IFT122: variants seen among roughly 807,000 people sequenced by gnomAD.
IFT122 encodes the protein intraflagellar transport protein 122 homolog.
IFT122 carries 118 observed loss-of-function variants against 161.6 expected under a neutral mutation model. The observed-to-expected ratio is 0.73, with a 90% CI of 0.63 to 0.85. IFT122 has a LOEUF of 0.85. Among genes scored for constraint, IFT122 ranks in the 40% least tolerant of loss-of-function variants. IFT122 has a pLI of 0.00. For synonymous variants in IFT122, 550 were observed against 602.4 expected, an observed-to-expected ratio of 0.91 and a Z score of 1.27; for missense variants, 1,381 against 1,579.6, an observed-to-expected ratio of 0.87 and a Z score of 2.13.
Position 129,479,783 on chromosome 3 carries a change from AGGAGAAAC to A in IFT122, c.1352_1359del (p.Glu451AlafsTer74). ...CCATGCAGAGCTGGGTTTGCTTCCT[AGGAGAAAC>A]GGCTGCAGTGCCTGTCCTTCAGCGG... On this transcript the variant is annotated splice_acceptor_variant and coding_sequence_variant, in exon 13 of 30. Transcript: ENST00000348417. LOFTEE classifies it high-confidence loss of function. 1 of 1,613,928 alleles carries A rather than the reference AGGAGAAAC, an allele frequency of 6.2e-7. No homozygotes were observed. The highest frequency in any genetic ancestry group is 1.7e-5 in the Admixed American group (1 of 60,026).
chr3:129,504,398 A>G lies in IFT122; in HGVS notation c.2627A>G (p.Asp876Gly). The change falls in exon 21 of 30, where the codon GAT becomes GGT. Residue 876 changes from aspartate (D) to glycine (G), a missense_variant. Physicochemically the swap from Asp to Gly is moderately conservative, Grantham distance 94 (BLOSUM62 -1). Transcript: ENST00000348417. ...MPYAQWLAEN[D>G]RFEEAQKAFH... ...TATGCTCAGTGGCTAGCAGAGAACG[A>G]TCGCTTTGAGGAAGCCCAGAAAGGT... 4 of 1,614,058 alleles carry G rather than the reference A, an allele frequency of 2.5e-6. No individual in the cohort carries two copies. Among genetic ancestry groups the G allele is most frequent in the Non-Finnish European group, 3.4e-6 (4 of 1,179,902 alleles).
At chr3:129,464,869 C>A in intron 7 of IFT122, 88 bp downstream of exon 7, 1 of 1,409,558 alleles carries the variant, frequency 7.1e-7, no homozygotes, top group Non-Finnish European at 1.0e-6. Flanking sequence ...CATTCAAAGG[C>A]TTCTCACCTC....
chr3:129,444,483 A>G (rs1039645358), intron 1 of IFT122, among the ~76,000 whole-genome samples: 3 of 151,956 alleles, frequency 2.0e-5, no homozygotes, highest in Non-Finnish European at 4.4e-5. Context: ...TGTCTACTAC[A>G]TTATGTTTTC....
chr3:129,494,911 A>G (rs1301595742), intron 17 of IFT122, among the ~76,000 whole-genome samples: 1 of 152,184 alleles, frequency 6.6e-6, no homozygotes, highest in Non-Finnish European at 1.5e-5. Flanking sequence ...CCATGTGTGT[A>G]TAAAGTATAT....
chr3:129,470,511 C>T (rs111897163), intron 9 of IFT122, among the ~76,000 whole-genome samples: 19,514 of 151,708 alleles, frequency 0.13, 1,578 homozygotes, highest in South Asian at 0.24. Flanking sequence ...GTGATCCGCC[C>T]GCCTCAGCCT....
At chr3:129,451,867 G>C in intron 2 of IFT122, 47 bp from the exon 3 acceptor site, 2 of 1,473,174 alleles carry the variant, frequency 1.4e-6, no homozygotes, top group Non-Finnish European at 1.9e-6. Flanking sequence ...CAGGAATTCT[G>C]ACTAATAGAT....
chr3:129,480,681 A>G (rs1295130071), intron 13 of IFT122, among the ~76,000 whole-genome samples: 4 of 152,118 alleles, frequency 2.6e-5, no homozygotes, highest in Admixed American at 6.5e-5. Flanking sequence ...CTCACTTCCA[A>G]TGGGAGCATG....
At chr3:129,499,698 C>T (rs540150745) in intron 18 of IFT122, among the ~76,000 whole-genome samples, 34 of 152,308 alleles carry the variant, frequency 2.2e-4, no homozygotes, top group Admixed American at 9.1e-4. Context: ...CAGGATCCCC[C>T]AGGAACACCT....
chr3:129,441,810 G>A (rs2073177635), intron 1 of IFT122, among the ~76,000 whole-genome samples: 1 of 152,124 alleles, frequency 6.6e-6, no homozygotes, highest in Admixed American at 6.5e-5. Context: ...ATAGAGATTT[G>A]AGTTTTAAAA....
rs1476908805 is a variant in IFT122, at chr3:129,499,330, AGAGGGCATG to A, written c.2209-564_2209-556del. On this transcript the variant is annotated intron_variant, in intron 18 of 29. Coordinates refer to ENST00000348417, the MANE Select transcript of IFT122 (RefSeq NM_052989.3). ...CACAGAATGTTTGCTGGTGACTCAG[AGAGGGCATG>A]GAGGGCACGGAGGGCCGGCAAACAC... Among the ~76,000 whole-genome samples the A allele has an allele frequency of 2.3e-4, 35 of 152,368 alleles. 1 individual carries two copies. Among genetic ancestry groups the A allele is most frequent in the African/African-American group, 8.2e-4 (34 of 41,590 alleles).
At chr3:129,491,986 A>G (rs1019862193) in intron 16 of IFT122, among the ~76,000 whole-genome samples, 155 bp from the exon 17 acceptor site, 4 of 152,132 alleles carry the variant, frequency 2.6e-5, no homozygotes, top group African/African-American at 9.7e-5. Context: ...TGGGTGGTAT[A>G]ACCTCCTGCA....
Position 129,504,432 on chromosome 3 carries a change from C to T in IFT122, c.2650+11C>T, listed in dbSNP as rs1464753124. 2 of 1,601,884 alleles carry T rather than the reference C, an allele frequency of 1.2e-6. No individual in the cohort carries two copies. The highest frequency in any genetic ancestry group is 4.5e-5 in the East Asian group (2 of 44,840). The stretch of plus-strand genomic sequence containing the variant: ...AGGAAGCCCAGAAAGGTAGGCAACA[C>T]AGACTGTCACCTTCTAGAAGGAGCA... On this transcript the variant is annotated intron_variant, in intron 21 of 29. Transcript: ENST00000348417.
In IFT122 at chr3:129,476,940, G is replaced by GTTTT. The variant is rs201252917; in HGVS notation, c.1147+140_1147+143dup. 1.8e-4 allele frequency: 130 copies of GTTTT among 714,942 alleles called. 1 individual carries two copies. The highest frequency in any genetic ancestry group is 2.6e-4 in the South Asian group (13 of 50,098). The allele number at this position is 714,942 out of a possible 1,614,324, so 44.3% of individuals were successfully genotyped here. ...CTGTTAGCCACTGGGTCTGTGTCTT[G>GTTTT]TTTTCTTTTTTTTTTTTTTTTGGTG... On this transcript the variant is annotated intron_variant, in intron 11 of 29. Transcript: ENST00000348417.
At chr3:129,515,208 C>T (rs868546063) in intron 25 of IFT122, 36 of 561,528 alleles carry the variant, frequency 6.4e-5, no homozygotes, top group South Asian at 4.8e-4. Context: ...ATGGTGGCAG[C>T]GGCCACTGTC....
intron 3 of IFT122, among the ~76,000 whole-genome samples, chr3:129,453,369 A>C (rs192700828): frequency 3.3e-5 from 5 of 152,266 alleles, no homozygotes; most frequent in Admixed American, 6.5e-5. Context: ...TTGAAGAGAA[A>C]GGGAAAAAGT....
chr3:129,501,401 A>G (rs995346876), intron 19 of IFT122, among the ~76,000 whole-genome samples: 1 of 152,192 alleles, frequency 6.6e-6, no homozygotes, highest in Non-Finnish European at 1.5e-5. Context: ...GGGTGCTGCC[A>G]TATATTAATA....
intron 15 of IFT122, chr3:129,484,023 G>C (rs756427556): frequency 3.2e-4 from 128 of 399,622 alleles, no homozygotes; most frequent in Non-Finnish European, 5.5e-4. Context: ...GAGTCCGGCA[G>C]GGTGTGTGTG....
intron 19 of IFT122, among the ~76,000 whole-genome samples, 172 bp downstream of exon 19, chr3:129,500,240 G>A (rs1428860299): frequency 2.0e-5 from 3 of 152,236 alleles, no homozygotes; most frequent in African/African-American, 7.2e-5. Flanking sequence ...CCTTCCAGGA[G>A]CTTGTGGAGT....
intron 4 of IFT122, chr3:129,460,806 T>A (rs936371764): frequency 2.0e-6 from 3 of 1,506,370 alleles, no homozygotes; most frequent in East Asian, 2.3e-5. Context: ...GCATGGTACA[T>A]GATTTGCTCA....
Sources: gnomAD v4.1 joint callset for allele counts (sites outside exome capture counted in the v4.1 genomes callset) on GRCh38, gnomAD v4.1.1 for gene constraint, MANE v1.5 for transcripts, NCBI Gene and HGNC (gene_info 2026-07-23, HGNC 2026-07-21) for gene names.